CEP126: variants seen among roughly 807,000 people sequenced by gnomAD.
CEP126 encodes centrosomal protein of 126 kDa.
CEP126 carries 74 observed loss-of-function variants against 107.8 expected under a neutral mutation model. That is an observed-to-expected ratio of 0.69 (90% confidence interval 0.57 to 0.83). The LOEUF (loss-of-function observed/expected upper bound fraction) is 0.83. CEP126 is among the 40% of genes least tolerant of loss of function. The pLI, the probability that CEP126 is intolerant of heterozygous loss-of-function variation, is 0.00. For synonymous variants in CEP126, 449 were observed against 446.0 expected (o/e 1.01, Z -0.08); for missense variants, 1,237 against 1,281.9 (o/e 0.96, Z 0.53).
In CEP126 at chr11:102,000,778, G is replaced by A. The variant is rs960226523; in HGVS notation, c.*3135G>A. The A allele has an allele frequency of 2.6e-5, 4 of 152,168 alleles. No homozygotes were observed. In the East Asian group the frequency reaches 7.7e-4, roughly 29 times the overall value. 9.4% of individuals were successfully genotyped at this position (152,168 alleles called of 1,614,324 possible). On this transcript the variant is annotated 3_prime_UTR_variant, in exon 11 of 11. Coordinates refer to ENST00000263468, the MANE Select transcript of CEP126 (RefSeq NM_020802.4). ...AAGAAAAGTTTAAACACATTTCCGA[G>A]AGGCAGGGCAACTAATAACTGGTCA...
At position 101,997,796 on chromosome 11, in the gene CEP126, A is replaced by G; in HGVS notation, c.*153A>G. On this transcript the variant is annotated 3_prime_UTR_variant, in exon 11 of 11. Coordinates refer to ENST00000263468, the MANE Select transcript of CEP126 (RefSeq NM_020802.4). ...GATTTTGTGAGCAGTGAAGTTTAAC[A>G]GAGCAGTGACATTTAACAAAGCAGT... is the stretch of plus-strand genomic sequence containing the variant. The G allele has an allele frequency of 1.0e-6, 1 of 980,360 alleles. No individual in the cohort carries two copies. Among genetic ancestry groups the G allele is most frequent in the Non-Finnish European group, 1.5e-6 (1 of 656,692 alleles). The allele number at this position is 980,360 out of a possible 1,614,324, so 60.7% of individuals were successfully genotyped here.
chr11:101,944,999 G>A lies in CEP126; in HGVS notation c.394+589G>A, dbSNP rs142180340. On this transcript the variant is annotated intron_variant, in intron 3 of 10. Transcript: ENST00000263468. The stretch of plus-strand genomic sequence containing the variant: ...TTTATGTATTCAGCAAACATATGGT[G>A]TACTGTGTTGTACTTAGCCTTAGGC... Among the ~76,000 whole-genome samples the A allele has an allele frequency of 4.4e-3, 671 of 152,314 alleles. 5 individuals are homozygous for A. Among genetic ancestry groups the A allele is most frequent in the African/African-American group, 0.016 (645 of 41,572 alleles).
At chr11:101,925,830 T>C (rs1940399001) in intron 2 of CEP126, among the ~76,000 whole-genome samples, 2 of 143,424 alleles carry the variant, frequency 1.4e-5, no homozygotes, top group Admixed American at 7.2e-5. Context: ...AATTTTTGTA[T>C]TTTTAGTAAA....
intron 6 of CEP126, 107 bp downstream of exon 6, chr11:101,963,987 T>C: frequency 2.9e-6 from 2 of 698,402 alleles, no homozygotes; most frequent in South Asian, 2.0e-5. Flanking sequence ...TAAATATTAA[T>C]ATTAAACAAT....
At position 101,986,837 on chromosome 11, in the gene CEP126, G is replaced by A. The variant is rs2137131336; in HGVS notation, c.3040G>A (p.Asp1014Asn). 9 of 1,613,352 alleles carry A rather than the reference G, an allele frequency of 5.6e-6. No individual in the cohort carries two copies. The highest frequency in any genetic ancestry group is 7.6e-6 in the Non-Finnish European group (9 of 1,179,466). Reference sequence around the variant, plus strand: ...ACTGATGTAAGTTTCTGTAGTTTCAGATAGTACTTCTGAGTTTTTGATGGC... The same window carrying A: ...ACTGATGTAAGTTTCTGTAGTTTCAAATAGTACTTCTGAGTTTTTGATGGC... ...RGTSYIEEVS[D>N]STSEFLMAEN... The change falls in exon 9 of 11, where the codon GAT becomes AAT. Residue 1014 changes from aspartate to asparagine, a missense_variant. Physicochemically the swap from Asp to Asn is conservative, Grantham distance 23. This residue lies in a region of CEP126 where 99 missense variants were observed against 114.4 expected (regional missense o/e 0.87). Coordinates refer to ENST00000263468, the MANE Select transcript of CEP126 (RefSeq NM_020802.4).
Position 101,942,165 on chromosome 11 carries a change from T to A in CEP126, c.249-2100T>A, listed in dbSNP as rs1203146945. Among the ~76,000 whole-genome samples, 3 of 152,166 alleles carry A rather than the reference T, an allele frequency of 2.0e-5. No individual in the cohort carries two copies. The East Asian group carries it at 5.8e-4, about 29-fold the overall frequency. Reference sequence around the variant, plus strand: ...AGTTCAACTTATCTATTTTTGCTTTTGTTTGTGCTTTTAGTGTCATATCAA... The same window carrying A: ...AGTTCAACTTATCTATTTTTGCTTTAGTTTGTGCTTTTAGTGTCATATCAA... On this transcript the variant is annotated intron_variant, in intron 2 of 10. Transcript: ENST00000263468.
In CEP126 at chr11:101,962,712, T is replaced by A. The variant is rs779279415; in HGVS notation, c.1677T>A (p.His559Gln). The A allele has an allele frequency of 1.9e-6, 3 of 1,613,060 alleles. No homozygotes were observed. The South Asian group carries it at 3.3e-5, about 18-fold the overall frequency. The change falls in exon 6 of 11, where the codon CAT becomes CAA. Residue 559 changes from histidine to glutamine, a missense_variant. This residue lies in a region of CEP126 where 1,134 missense variants were observed against 1,150.5 expected (regional missense o/e 0.99). Transcript: ENST00000263468. ...VTSNYDFVGQHKKMKYNIHER... is the reference protein window; with the variant it reads ...VTSNYDFVGQQKKMKYNIHER... ...CTAATTATGACTTTGTTGGCCAGCA[T>A]AAGAAAATGAAATACAACATCCATG...
At chr11:101,971,114 C>G (rs991306145) in intron 6 of CEP126, among the ~76,000 whole-genome samples, 2 of 152,024 alleles carry the variant, frequency 1.3e-5, no homozygotes, top group Non-Finnish European at 2.9e-5. Context: ...ACCACAGGTG[C>G]GCACCACCAT....
At chr11:101,916,077 T>C (rs1243823057) in intron 1 of CEP126, 1 of 152,260 alleles carries the variant, frequency 6.6e-6, no homozygotes, top group Non-Finnish European at 1.5e-5. Flanking sequence ...TATTTTGTTA[T>C]CAAAATCTGT....
In CEP126 at chr11:101,923,185, C is replaced by T. The variant is rs182008011; in HGVS notation, c.248+425C>T. ...CTATATCTGCCACTTTTCATTCGTT[C>T]AATCTGAAAAATTGGAAAAAATATG... On this transcript the variant is annotated intron_variant, in intron 2 of 10. Coordinates refer to ENST00000263468, the MANE Select transcript of CEP126 (RefSeq NM_020802.4). 4.2e-3 allele frequency among the ~76,000 whole-genome samples: 643 copies of T among 151,772 alleles called. 10 individuals carry two copies. The highest frequency in any genetic ancestry group is 0.015 in the African/African-American group (614 of 41,388).
intron 10 of CEP126, among the ~76,000 whole-genome samples, chr11:101,993,748 T>C (rs1392291641): frequency 6.6e-6 from 1 of 152,234 alleles, no homozygotes; most frequent in Non-Finnish European, 1.5e-5. Flanking sequence ...ATAGCCATTC[T>C]AACTGGTGTA....
At chr11:101,980,857 G>A (rs1234846483) in intron 7 of CEP126, among the ~76,000 whole-genome samples, 1 of 152,220 alleles carries the variant, frequency 6.6e-6, no homozygotes, top group Non-Finnish European at 1.5e-5. Context: ...CTATAATGGA[G>A]ATCAAACAAG....
At chr11:101,925,477 C>T (rs567673099) in intron 2 of CEP126, among the ~76,000 whole-genome samples, 12 of 151,054 alleles carry the variant, frequency 7.9e-5, no homozygotes, top group Middle Eastern at 3.4e-3. Flanking sequence ...AAAAGTTTAC[C>T]GGCAATTATC....
intron 2 of CEP126, among the ~76,000 whole-genome samples, chr11:101,941,657 A>C (rs1250075822): frequency 6.6e-6 from 1 of 152,140 alleles, no homozygotes; most frequent in Non-Finnish European, 1.5e-5. Context: ...TATAGTCCTC[A>C]AAGTGAAATT....
At chr11:101,936,641 C>G (rs151097586) in intron 2 of CEP126, among the ~76,000 whole-genome samples, 40 of 152,182 alleles carry the variant, frequency 2.6e-4, no homozygotes, top group African/African-American at 9.6e-4. Context: ...TTGCCTTATA[C>G]CTTTTGGGGG....
chr11:101,960,164 C>T (rs867758791), intron 5 of CEP126, among the ~76,000 whole-genome samples: 3 of 109,190 alleles, frequency 2.7e-5, no homozygotes, highest in Non-Finnish European at 5.8e-5. Flanking sequence ...AAAGATAAGA[C>T]GGACCGCTAA....
rs1256687930 is a variant in CEP126, at chr11:102,000,529, AAAAAG to A, written c.*2896_*2900del. ...AAGAGCCCAACTCTACTAAAAATAC[AAAAAG>A]AAAAGAAAACAGCCAAGCTTGGTGG... On this transcript the variant is annotated 3_prime_UTR_variant, in exon 11 of 11. Transcript: ENST00000263468. The A allele has an allele frequency of 6.6e-6, 1 of 152,128 alleles. No homozygotes were observed. The highest frequency in any genetic ancestry group is 1.5e-5 in the Non-Finnish European group (1 of 68,014). 9.4% of individuals were successfully genotyped at this position (152,128 alleles called of 1,614,324 possible).
At chr11:101,975,395 A>G (rs996034407) in intron 6 of CEP126, among the ~76,000 whole-genome samples, 14 of 152,222 alleles carry the variant, frequency 9.2e-5, no homozygotes, top group African/African-American at 2.9e-4. Flanking sequence ...AATGCAAAAT[A>G]TATTTATTTC....
intron 4 of CEP126, among the ~76,000 whole-genome samples, chr11:101,953,108 C>T (rs1011480061): frequency 1.1e-4 from 17 of 152,164 alleles, no homozygotes; most frequent in Admixed American, 7.2e-4. Flanking sequence ...GCCCCATGTT[C>T]TAAACAGGAA....
Sources: gnomAD v4.1 joint callset for allele counts (sites outside exome capture counted in the v4.1 genomes callset) on GRCh38, gnomAD v4.1.1 for gene constraint, gnomAD v4.1.1 regional missense constraint, MANE v1.5 for transcripts, NCBI Gene and HGNC (gene_info 2026-07-23, HGNC 2026-07-21) for gene names.